ACTR1A: variants seen among roughly 807,000 people sequenced by gnomAD.
The protein encoded by ACTR1A is actin related protein 1A.
ACTR1A carries 10 observed loss-of-function variants against 50.7 expected under a neutral mutation model. The observed-to-expected ratio is 0.20, with a 90% CI of 0.12 to 0.33. The LOEUF (loss-of-function observed/expected upper bound fraction) is 0.33. ACTR1A is among the 10% of genes least tolerant of loss of function. The pLI is 1.00. For missense variants in ACTR1A, 253 were observed against 491.7 expected (o/e 0.51, Z 4.59); for synonymous variants, 177 against 184.2 (o/e 0.96, Z 0.32).
At chr10:102,497,171 GAAAAAAAAA>G (rs968687001) in intron 1 of ACTR1A, among the ~76,000 whole-genome samples, 23 of 69,772 alleles carry the variant, frequency 3.3e-4, no homozygotes, top group Admixed American at 1.7e-3. Flanking sequence ...TCCATCTCAG[GAAAAAAAAA>G]AAAAAAAAAA....
At chr10:102,489,675 G>A (rs1247560423) in intron 2 of ACTR1A, among the ~76,000 whole-genome samples, 2 of 152,158 alleles carry the variant, frequency 1.3e-5, no homozygotes, top group African/African-American at 2.4e-5. Flanking sequence ...TTAGCTGGGC[G>A]TGATGGCACA....
chr10:102,493,704 C>CT (rs2062206269), intron 1 of ACTR1A, among the ~76,000 whole-genome samples: 1 of 152,258 alleles, frequency 6.6e-6, no homozygotes, highest in African/African-American at 2.4e-5. Context: ...AAGGTTTCCA[C>CT]TTTCGTCTCT....
chr10:102,490,666 G>C, intron 1 of ACTR1A, 53 bp from the exon 2 acceptor site: 3 of 1,310,492 alleles, frequency 2.3e-6, no homozygotes, highest in African/African-American at 1.5e-5. Flanking sequence ...AATACAAAAG[G>C]AAAAATACAT....
chr10:102,479,765 C>A lies in ACTR1A; in HGVS notation c.*1098G>T. 9.8e-7 allele frequency: 1 copy of A among 1,016,818 alleles called. No homozygotes were observed. Among genetic ancestry groups the A allele is most frequent in the South Asian group, 1.4e-5 (1 of 69,298 alleles). The allele number at this position is 1,016,818 out of a possible 1,614,324, so 63.0% of individuals were successfully genotyped here. On this transcript the variant is annotated 3_prime_UTR_variant, in exon 11 of 11. Coordinates refer to ENST00000369905, the MANE Select transcript of ACTR1A (RefSeq NM_005736.4). The surrounding 1 kb of genome is among the most constrained non-coding windows in gnomAD (Gnocchi z 4.0). ...CTTTCTCCAGTCTTAAGGGCACTGG[C>A]TCTCCAACACCCCTCCCTTGCTTAG... is the stretch of plus-strand genomic sequence containing the variant.
chr10:102,493,103 CAACAGAAGAGAGTGAA>C (rs904630077), intron 1 of ACTR1A, among the ~76,000 whole-genome samples: 1 of 151,262 alleles, frequency 6.6e-6, no homozygotes, highest in Admixed American at 6.6e-5. Context: ...GAATCTTTGC[CAACAGAAGAGAGTGAA>C]AACAGAAGAC....
At chr10:102,502,363 G>T (rs2062261399) in intron 1 of ACTR1A, among the ~76,000 whole-genome samples, 1 of 152,238 alleles carries the variant, frequency 6.6e-6, no homozygotes, top group Non-Finnish European at 1.5e-5. Flanking sequence ...CCCAAGGACT[G>T]GCTTGGACTA....
At position 102,500,591 on chromosome 10, in the gene ACTR1A, AC is replaced by A. The variant is rs1344597929; in HGVS notation, c.48+2008del. 4.8e-3 allele frequency among the ~76,000 whole-genome samples: 699 copies of A among 146,068 alleles called. 8 individuals carry two copies. Among genetic ancestry groups the A allele is most frequent in the African/African-American group, 0.016 (638 of 40,326 alleles). ...CAAAAACAAACAAACAAACAAACAAACAAACAAACAAACAAAAATTAGCCAG... is the reference window on the plus strand; with the variant it reads ...CAAAAACAAACAAACAAACAAACAAAAAACAAACAAACAAAAATTAGCCAG... On this transcript the variant is annotated intron_variant, in intron 1 of 10. Coordinates refer to ENST00000369905, the MANE Select transcript of ACTR1A (RefSeq NM_005736.4).
intron 1 of ACTR1A, among the ~76,000 whole-genome samples, chr10:102,499,132 C>T (rs917680281): frequency 6.6e-6 from 1 of 152,106 alleles, no homozygotes; most frequent in African/African-American, 2.4e-5. Context: ...TTTCTTTCTC[C>T]TGCATTCTTT....
chr10:102,479,657 T>C lies in ACTR1A; in HGVS notation c.*1206A>G. On this transcript the variant is annotated 3_prime_UTR_variant, in exon 11 of 11. Coordinates refer to ENST00000369905, the MANE Select transcript of ACTR1A (RefSeq NM_005736.4). The surrounding 1 kb of genome is among the most constrained non-coding windows in gnomAD (Gnocchi z 4.0). ...GTCCAAGGTCAAGAATGGCACAAGA[T>C]CAGCCCAGAGGGGGCCTTCCCACCT... The C allele has an allele frequency of 7.8e-7, 1 of 1,289,518 alleles. No individual in the cohort carries two copies. Among genetic ancestry groups the C allele is most frequent in the Non-Finnish European group, 1.0e-6 (1 of 988,852 alleles). The allele number at this position is 1,289,518 out of a possible 1,614,324, so 79.9% of individuals were successfully genotyped here. A position where few individuals can be genotyped will look rare whatever the true frequency, so the allele number is the denominator to read the frequency against.
chr10:102,482,259 C>A lies in ACTR1A; in HGVS notation c.751-84G>T. ...TGGGAATGGAAGACGCCCCTCTGCA[C>A]GTCACTTAGTAACTGGGTGGCTATG... On this transcript the variant is annotated intron_variant, in intron 7 of 10. Transcript: ENST00000369905. This position sits in a 1 kb window ranked among gnomAD's most constrained non-coding sequence, Gnocchi z 5.6. 1.0e-5 allele frequency: 14 copies of A among 1,337,306 alleles called. No individual in the cohort carries two copies. The highest frequency in any genetic ancestry group is 1.4e-5 in the Non-Finnish European group (13 of 954,810). The allele number at this position is 1,337,306 out of a possible 1,614,324, so 82.8% of individuals were successfully genotyped here.
chr10:102,481,780 G>A (rs1303370851), intron 9 of ACTR1A, 57 bp downstream of exon 9: 6 of 1,590,340 alleles, frequency 3.8e-6, no homozygotes, highest in African/African-American at 2.7e-5. Flanking sequence ...TACGCCAGGT[G>A]GCACTCTGTC....
Position 102,480,035 on chromosome 10 carries a change from G to A in ACTR1A, c.*828C>T, listed in dbSNP as rs1164292581. ...CTGTAAACATTAGTGTAGCAAGGCA[G>A]GAGGCAGCAAGCTCCCTCTCTCCAG... On this transcript the variant is annotated 3_prime_UTR_variant, in exon 11 of 11. Coordinates refer to ENST00000369905, the MANE Select transcript of ACTR1A (RefSeq NM_005736.4). 3 of 173,006 alleles carry A rather than the reference G, an allele frequency of 1.7e-5. No individual in the cohort carries two copies. The highest frequency in any genetic ancestry group is 1.3e-5 in the Non-Finnish European group (1 of 79,518). 10.7% of individuals were successfully genotyped at this position (173,006 alleles called of 1,614,324 possible). A position where few individuals can be genotyped will look rare whatever the true frequency, so the allele number is the denominator to read the frequency against.
At chr10:102,481,054 CT>C in intron 10 of ACTR1A, 77 bp downstream of exon 10, 1 of 1,588,128 alleles carries the variant, frequency 6.3e-7, no homozygotes, top group East Asian at 2.2e-5. Flanking sequence ...CCAAATCAGG[CT>C]TTTCTTTAGA....
At chr10:102,487,490 C>T (rs12265877) in intron 4 of ACTR1A, among the ~76,000 whole-genome samples, 5 of 151,658 alleles carry the variant, frequency 3.3e-5, no homozygotes, top group East Asian at 1.9e-4. Context: ...CCCAGGAGGT[C>T]GAGGCTGCAG....
chr10:102,490,640 A>G lies in ACTR1A; in HGVS notation c.49-27T>C. 4 of 1,571,090 alleles carry G rather than the reference A, an allele frequency of 2.5e-6. 1 individual carries two copies. The South Asian group carries it at 3.3e-5, about 13-fold the overall frequency. On this transcript the variant is annotated intron_variant, in intron 1 of 10. Transcript: ENST00000369905. The stretch of plus-strand genomic sequence containing the variant: ...TGAGGAAAGAGGAGAGAGAATGAGG[A>G]GTCAGAACTATCACAAATACAAAAG...
At chr10:102,484,810 G>A (rs1355110496) in intron 5 of ACTR1A, among the ~76,000 whole-genome samples, 2 of 152,218 alleles carry the variant, frequency 1.3e-5, no homozygotes, top group Non-Finnish European at 2.9e-5. Flanking sequence ...ACTGGTTTGA[G>A]AGCCCGGGGA....
intron 4 of ACTR1A, among the ~76,000 whole-genome samples, chr10:102,486,548 G>A (rs1180031415): frequency 6.6e-6 from 1 of 152,078 alleles, no homozygotes; most frequent in Non-Finnish European, 1.5e-5. Context: ...AATTAGCCGG[G>A]CTTGGTGGTG....
chr10:102,486,508 G>C (rs2062168788), intron 4 of ACTR1A, among the ~76,000 whole-genome samples: 1 of 152,068 alleles, frequency 6.6e-6, no homozygotes, highest in Admixed American at 6.6e-5. Flanking sequence ...TGACCAACAT[G>C]GAGAAACCCC....
At position 102,482,383 on chromosome 10, in the gene ACTR1A, C is replaced by T. The variant is rs185828905; in HGVS notation, c.751-208G>A. On this transcript the variant is annotated intron_variant, in intron 7 of 10. Coordinates refer to ENST00000369905, the MANE Select transcript of ACTR1A (RefSeq NM_005736.4). This position sits in a 1 kb window ranked among gnomAD's most constrained non-coding sequence, Gnocchi z 5.6. ...AGGGGAGGCTCCTATATTTCCTTCT[C>T]GCTCTGGCATTTTCCAGCCAAGAGG... The T allele has an allele frequency of 8.5e-6, 5 of 588,624 alleles. No homozygotes were observed. The highest frequency in any genetic ancestry group is 2.8e-5 in the East Asian group (1 of 35,244). The allele number at this position is 588,624 out of a possible 1,614,324, so 36.5% of individuals were successfully genotyped here.
Sources: gnomAD v4.1 joint callset for allele counts (sites outside exome capture counted in the v4.1 genomes callset) on GRCh38, gnomAD v4.1.1 for gene constraint, Gnocchi (gnomAD v3.1) non-coding constraint, MANE v1.5 for transcripts, NCBI Gene and HGNC (gene_info 2026-07-23, HGNC 2026-07-21) for gene names.